Variants in TPR observed in about 807,000 individuals in gnomAD.
The protein encoded by TPR is translocated promoter region, nuclear basket protein.
In TPR, 51 loss-of-function variants were observed where a neutral mutation model predicts 316.1. That is an observed-to-expected ratio of 0.16 (90% CI 0.13 to 0.20). The LOEUF (loss-of-function observed/expected upper bound fraction) is 0.20. TPR is among the 10% of genes least tolerant of loss of function. The pLI, the probability that TPR is intolerant of heterozygous loss-of-function variation, is 1.00. For synonymous variants in TPR, 981 were observed against 914.7 expected, an observed-to-expected ratio of 1.07 and a Z score of -1.31; for missense variants, 2,272 against 2,754.8, an observed-to-expected ratio of 0.82 and a Z score of 3.92.
intron 39 of TPR, 106 bp downstream of exon 39, chr1:186,331,392 T>C (rs1333717967): frequency 1.4e-6 from 1 of 728,160 alleles, no homozygotes. Flanking sequence ...TTACATATAA[T>C]AAGAACAAGC....
chr1:186,358,250 C>T (rs1227770603), intron 13 of TPR, among the ~76,000 whole-genome samples: 1 of 152,094 alleles, frequency 6.6e-6, no homozygotes, highest in Non-Finnish European at 1.5e-5. Context: ...CTTAGCTACA[C>T]TTTGGGACTT....
chr1:186,314,345 G>T, intron 50 of TPR: 1 of 380,742 alleles, frequency 2.6e-6, no homozygotes, highest in East Asian at 4.6e-5. Context: ...TACAACAAAT[G>T]AATATAACAC....
At chr1:186,343,219 G>T in intron 27 of TPR, 107 bp downstream of exon 27, 3 of 1,385,654 alleles carry the variant, frequency 2.2e-6, no homozygotes, top group South Asian at 2.9e-5. Context: ...AAGTTTAGAA[G>T]AATGCTTACT....
chr1:186,358,748 T>G (rs1475995423), intron 12 of TPR, 98 bp from the exon 13 acceptor site: 4 of 884,738 alleles, frequency 4.5e-6, no homozygotes, highest in Non-Finnish European at 7.0e-6. Context: ...AGTAATCAAC[T>G]TATACACTAA....
intron 39 of TPR, among the ~76,000 whole-genome samples, chr1:186,330,454 T>G (rs1229250725): frequency 6.6e-6 from 1 of 152,124 alleles, no homozygotes; most frequent in Admixed American, 6.6e-5. Context: ...TCACCTTTTG[T>G]TCACTCTTCA....
chr1:186,341,083 T>C lies in TPR; in HGVS notation c.3965A>G (p.Gln1322Arg). 1 of 1,614,174 alleles carries C rather than the reference T, an allele frequency of 6.2e-7. No homozygotes were observed. Among genetic ancestry groups the C allele is most frequent in the Non-Finnish European group, 8.5e-7 (1 of 1,180,026 alleles). The change falls in exon 29 of 51, where the codon CAG becomes CGG. Residue 1322 changes from glutamine (Q) to arginine (R), a missense_variant. Transcript: ENST00000367478. ...CTCTTCTAAGAGCTTCTTCTCTGCC[T>C]GCAACATACCGCTTTTCTCACTCAG... ...AELSEKSGML[Q>R]AEKKLLEEDV... is the part of the protein sequence containing the mutation.
intron 49 of TPR, 32 bp downstream of exon 49, chr1:186,317,450 A>C (rs750976530): frequency 6.5e-7 from 1 of 1,549,660 alleles, no homozygotes. Flanking sequence ...TGATGTATAA[A>C]AACTGTATTG....
chr1:186,343,910 G>T lies in TPR; in HGVS notation c.3598C>A (p.Leu1200Ile). Reference protein sequence around the residue: ...GKSQEQILEILRFIRREKEIA... With the variant: ...GKSQEQILEIIRFIRREKEIA... ...AGCAGTAAGAACATGATTTACCTGA[G>T]AATTTCCAAAATTTGTTCTTGAGAT... The change falls in exon 26 of 51, where the codon CTC becomes ATC. Residue 1200 changes from leucine (L) to isoleucine (I), a missense_variant. This residue lies in a region of TPR where 757 missense variants were observed against 859.8 expected (regional missense o/e 0.88). Coordinates refer to ENST00000367478, the MANE Select transcript of TPR (RefSeq NM_003292.3). The T allele has an allele frequency of 6.2e-7, 1 of 1,612,442 alleles. No individual in the cohort carries two copies. The highest frequency in any genetic ancestry group is 8.5e-7 in the Non-Finnish European group (1 of 1,179,178).
intron 43 of TPR, 50 bp from the exon 44 acceptor site, chr1:186,322,636 G>T: frequency 1.3e-6 from 2 of 1,568,046 alleles, no homozygotes; most frequent in Non-Finnish European, 1.8e-6. Context: ...ATGAGGCAAT[G>T]AAACAAACAC....
Position 186,313,721 on chromosome 1 carries a change from A to G in TPR, c.*250T>C, listed in dbSNP as rs1183983703. On this transcript the variant is annotated 3_prime_UTR_variant, in exon 51 of 51. Transcript: ENST00000367478. ...TTGATGTGCCTAGTAGAACAGCAAGAGCAATTACTACTCGTTCTGGGCAGA... is the reference window on the plus strand; with the variant it reads ...TTGATGTGCCTAGTAGAACAGCAAGGGCAATTACTACTCGTTCTGGGCAGA... 1.9e-6 allele frequency: 3 copies of G among 1,609,876 alleles called. No homozygotes were observed. The South Asian group carries it at 3.3e-5, about 18-fold the overall frequency.
intron 27 of TPR, 139 bp downstream of exon 27, chr1:186,343,187 A>G (rs1658561740): frequency 1.7e-6 from 2 of 1,187,116 alleles, no homozygotes; most frequent in Non-Finnish European, 2.3e-6. Context: ...ATTAGTGTTT[A>G]ACAAATGCTT....
intron 47 of TPR, 63 bp downstream of exon 47, chr1:186,318,670 G>A: frequency 6.2e-7 from 1 of 1,606,766 alleles, no homozygotes; most frequent in South Asian, 1.1e-5. Context: ...TTAGCCAGAA[G>A]ATACTTCATA....
chr1:186,371,063 T>C lies in TPR; in HGVS notation c.257-20A>G, dbSNP rs756500422. 5.6e-6 allele frequency: 9 copies of C among 1,593,520 alleles called. No homozygotes were observed. In the South Asian group the frequency reaches 8.8e-5, roughly 16 times the overall value. ...GATTGTCTGGATAAAAGGAATTTTATGAATACATACACATTTGCTTAAAAC... is the reference window on the plus strand; with the variant it reads ...GATTGTCTGGATAAAAGGAATTTTACGAATACATACACATTTGCTTAAAAC... On this transcript the variant is annotated intron_variant, in intron 2 of 50. Coordinates refer to ENST00000367478, the MANE Select transcript of TPR (RefSeq NM_003292.3).
intron 36 of TPR, 89 bp from the exon 37 acceptor site, chr1:186,333,483 TCA>T (rs1325162871): frequency 6.6e-7 from 1 of 1,509,840 alleles, no homozygotes; most frequent in Non-Finnish European, 8.9e-7. Context: ...ATGTCACCTT[TCA>T]CACAGATTTG....
At chr1:186,345,966 C>G (rs776812826) in intron 23 of TPR, among the ~76,000 whole-genome samples, 169 bp downstream of exon 23, 1 of 151,942 alleles carries the variant, frequency 6.6e-6, no homozygotes, top group Non-Finnish European at 1.5e-5. Flanking sequence ...AAAATTTCAA[C>G]GGGAAATGTA....
Position 186,344,470 on chromosome 1 carries a change from A to T in TPR, c.3322T>A (p.Ser1108Thr), listed in dbSNP as rs1658615854. Residue 1108 changes from serine (S) to threonine (T), a missense_variant, in exon 25 of 51, where the codon TCA becomes ACA. Ser to Thr is a moderately conservative substitution (Grantham distance 58, BLOSUM62 1). Around this residue, in one of 10 missense-constraint regions of TPR, gnomAD observed 757 missense variants for 859.8 expected, o/e 0.88. Transcript: ENST00000367478. ...GTTTCTTCCAAATGCTGACGGACTGATGCCATTTTTGAAACCTGCTCCTTC... is the reference window on the plus strand; with the variant it reads ...GTTTCTTCCAAATGCTGACGGACTGTTGCCATTTTTGAAACCTGCTCCTTC... The part of the protein sequence containing the change: ...AAKEQVSKMA[S>T]VRQHLEETTQ... 1 of 1,613,684 alleles carries T rather than the reference A, an allele frequency of 6.2e-7. No individual in the cohort carries two copies.
In TPR at chr1:186,358,563, C is replaced by T; in HGVS notation, c.1477G>A (p.Val493Ile). Reference sequence around the variant, plus strand: ...CTAACCTGTTGTGAAAGATCTTTTACTTGTATTTCCATTCTTCGATTATCT... The same window carrying T: ...CTAACCTGTTGTGAAAGATCTTTTATTTGTATTTCCATTCTTCGATTATCT... ...ERDNRRMEIQ[V>I]KDLSQQIRVL... is the part of the protein sequence containing the mutation. The change falls in exon 13 of 51, where the codon GTA (valine) becomes ATA (isoleucine). Residue 493 changes from valine to isoleucine, a missense_variant. Val to Ile is a conservative substitution (Grantham distance 29). Around this residue, in one of 10 missense-constraint regions of TPR, gnomAD observed 549 missense variants for 598.6 expected, o/e 0.92. Coordinates refer to ENST00000367478, the MANE Select transcript of TPR (RefSeq NM_003292.3). 5 of 1,609,972 alleles carry T rather than the reference C, an allele frequency of 3.1e-6. No homozygotes were observed. The highest frequency in any genetic ancestry group is 2.2e-5 in the East Asian group (1 of 44,636).
At chr1:186,360,457 T>C in intron 10 of TPR, 93 bp from the exon 11 acceptor site, 1 of 1,264,260 alleles carries the variant, frequency 7.9e-7, no homozygotes, top group Non-Finnish European at 1.1e-6. Context: ...GTACTGTACA[T>C]TATATAGTAA....
At chr1:186,344,172 C>T (rs760890870) in intron 25 of TPR, 82 bp from the exon 26 acceptor site, 218 of 1,483,980 alleles carry the variant, frequency 1.5e-4, no homozygotes, top group South Asian at 2.0e-4. Context: ...CGGTGGCTAA[C>T]GCCTGTAATC....
Sources: gnomAD v4.1 joint callset for allele counts (sites outside exome capture counted in the v4.1 genomes callset) on GRCh38, gnomAD v4.1.1 for gene constraint, gnomAD v4.1.1 regional missense constraint, MANE v1.5 for transcripts, NCBI Gene and HGNC (gene_info 2026-07-23, HGNC 2026-07-21) for gene names.